The following ELF4 variants were observed in gnomAD, a reference collection of about 807,000 sequenced individuals.
The protein encoded by ELF4 is E74 like ETS transcription factor 4.
ELF4 carries 10 observed loss-of-function variants against 31.7 expected under a neutral mutation model. The ratio of observed to expected loss-of-function variants is 0.32; its 90% confidence interval spans 0.19 to 0.54. The LOEUF (loss-of-function observed/expected upper bound fraction) is 0.54. Ranked by LOEUF, ELF4 falls within the 20% of genes least tolerant of loss-of-function variation. The probability of loss-of-function intolerance (pLI) is 0.95; values close to 1 mark genes in which losing one functional copy is unlikely to be tolerated. For synonymous variants in ELF4, 208 were observed against 226.7 expected, an observed-to-expected ratio of 0.92 and a Z score of 0.74; for missense variants, 418 against 522.0, an observed-to-expected ratio of 0.80 and a Z score of 1.94.
In ELF4 at chrX:130,064,011, A is replaced by C. The variant is rs1200498346; in HGVS notation, c.*2710T>G. 1.0e-5 allele frequency among the ~76,000 whole-genome samples: 1 copy of C among 96,434 alleles called. No homozygotes were observed. The highest frequency in any genetic ancestry group is 3.3e-4 in the East Asian group (1 of 3,034). The allele number at this position is 96,434 out of a possible 115,157, so 83.7% of individuals were successfully genotyped here. ...TATTATTATTATTATTATTATTATTATACTTTAAGTTCTGGGATACATGTG... is the reference window on the plus strand; with the variant it reads ...TATTATTATTATTATTATTATTATTCTACTTTAAGTTCTGGGATACATGTG... On this transcript the variant is annotated 3_prime_UTR_variant, in exon 9 of 9. Transcript: ENST00000308167.
intron 1 of ELF4, among the ~76,000 whole-genome samples, chrX:130,105,373 C>T (rs1933359170): frequency 9.0e-6 from 1 of 111,563 alleles, no homozygotes; most frequent in Non-Finnish European, 1.9e-5. Flanking sequence ...CCGAGAAACT[C>T]ACCTTAGGGC....
At chrX:130,103,714 C>T (rs1275288282) in intron 1 of ELF4, among the ~76,000 whole-genome samples, 2 of 112,224 alleles carry the variant, frequency 1.8e-5, no homozygotes, top group Non-Finnish European at 3.8e-5. Flanking sequence ...TTGCCACCCT[C>T]CCATCCCCCA....
chrX:130,071,443 T>A (rs1295222285), intron 5 of ELF4, 24 bp from the exon 6 acceptor site: 1 of 1,201,635 alleles, frequency 8.3e-7, no homozygotes, highest in African/African-American at 1.7e-5. Context: ...GTGAGTAGGA[T>A]GAGGAGCAGC....
chrX:130,064,441 A>G lies in ELF4; in HGVS notation c.*2280T>C, dbSNP rs1425570957. On this transcript the variant is annotated 3_prime_UTR_variant, in exon 9 of 9. Coordinates refer to ENST00000308167, the MANE Select transcript of ELF4 (RefSeq NM_001421.4). ...GAGCAAGACTCTGACTCAAAAACAAACGAACAAACAAAAACATTGTTGATA... is the reference window on the plus strand; with the variant it reads ...GAGCAAGACTCTGACTCAAAAACAAGCGAACAAACAAAAACATTGTTGATA... 1.8e-5 allele frequency among the ~76,000 whole-genome samples: 2 copies of G among 112,291 alleles called. No individual in the cohort carries two copies. Among genetic ancestry groups the G allele is most frequent in the Non-Finnish European group, 3.8e-5 (2 of 53,241 alleles).
intron 1 of ELF4, among the ~76,000 whole-genome samples, chrX:130,102,884 G>GAGAGAAAGAA (rs1216462216): frequency 4.6e-5 from 2 of 43,735 alleles, no homozygotes; most frequent in Non-Finnish European, 7.8e-5. Flanking sequence ...GAGAGAGAGA[G>GAGAGAAAGAA]AGAAAGAAAG....
intron 1 of ELF4, among the ~76,000 whole-genome samples, chrX:130,102,884 GAGAAAGAA>G (rs1174320321): frequency 5.9e-4 from 26 of 43,735 alleles, no homozygotes; most frequent in Non-Finnish European, 8.6e-4. Context: ...GAGAGAGAGA[GAGAAAGAA>G]AGAAAGAAAG....
At chrX:130,088,267 G>A (rs1246852086) in intron 1 of ELF4, among the ~76,000 whole-genome samples, 2 of 96,851 alleles carry the variant, frequency 2.1e-5, no homozygotes, top group African/African-American at 7.7e-5. Context: ...GAGTGGGTCT[G>A]TGAGTGGAGG....
At chrX:130,071,688 T>C (rs1328241499) in intron 5 of ELF4, among the ~76,000 whole-genome samples, 1 of 112,902 alleles carries the variant, frequency 8.9e-6, no homozygotes, top group Non-Finnish European at 1.9e-5. Flanking sequence ...GCCTAACTTC[T>C]GATACGGAAA....
rs923262083 is a variant in ELF4, at chrX:130,105,324, C to A, written c.-210+5001G>T. Among the ~76,000 whole-genome samples, 16 of 111,910 alleles carry A rather than the reference C, an allele frequency of 1.4e-4. No homozygotes were observed. The Admixed American group carries it at 1.5e-3, about 11-fold the overall frequency. The stretch of plus-strand genomic sequence containing the variant: ...TGAAACACCCTTCCCTGCTCCCTGA[C>A]CCTCCTCCTCACCCTGGAAGCAGGC... On this transcript the variant is annotated intron_variant, in intron 1 of 8. Coordinates refer to ENST00000308167, the MANE Select transcript of ELF4 (RefSeq NM_001421.4).
intron 4 of ELF4, 102 bp from the exon 5 acceptor site, chrX:130,072,519 T>A: frequency 1.2e-6 from 1 of 846,345 alleles, no homozygotes; most frequent in Non-Finnish European, 1.7e-6. Flanking sequence ...GGCGGGGGGC[T>A]CATCCCCCCA....
At chrX:130,095,177 G>C (rs1235792690) in intron 1 of ELF4, among the ~76,000 whole-genome samples, 2 of 112,195 alleles carry the variant, frequency 1.8e-5, no homozygotes, top group Non-Finnish European at 3.8e-5. Context: ...AAGGTGGCAG[G>C]GATGTGTAGT....
intron 5 of ELF4, 117 bp downstream of exon 5, chrX:130,072,109 G>A: frequency 1.1e-6 from 1 of 922,782 alleles, no homozygotes; most frequent in African/African-American, 1.9e-5. Flanking sequence ...AGGCCTTTTG[G>A]TCCATCTCTG....
At chrX:130,076,688 C>T (rs1932837807) in intron 2 of ELF4, among the ~76,000 whole-genome samples, 1 of 112,195 alleles carries the variant, frequency 8.9e-6, no homozygotes, top group Admixed American at 9.5e-5. Context: ...ACCTTGGCCT[C>T]CCAAAGTGCT....
chrX:130,075,203 A>G (rs1478437130), intron 2 of ELF4, among the ~76,000 whole-genome samples: 1 of 109,722 alleles, frequency 9.1e-6, no homozygotes, highest in Non-Finnish European at 1.9e-5. Context: ...TCCTGACCTC[A>G]GGTGATCCAC....
intron 1 of ELF4, among the ~76,000 whole-genome samples, chrX:130,105,484 T>C (rs1364773339): frequency 9.1e-6 from 1 of 110,174 alleles, no homozygotes; most frequent in Non-Finnish European, 1.9e-5. Context: ...AAATGATGAG[T>C]GTGTGTATGT....
chrX:130,108,684 C>T (rs1225231371), intron 1 of ELF4, among the ~76,000 whole-genome samples: 1 of 110,600 alleles, frequency 9.0e-6, no homozygotes, highest in African/African-American at 3.3e-5. Flanking sequence ...GGCGCCAGTT[C>T]CTGAGCAACC....
chrX:130,100,773 G>A (rs1173059098), intron 1 of ELF4, among the ~76,000 whole-genome samples: 1 of 111,795 alleles, frequency 8.9e-6, no homozygotes, highest in African/African-American at 3.3e-5. Flanking sequence ...TCCCCAACAG[G>A]TAGTAAAATC....
rs770772577 is a variant in ELF4, at chrX:130,064,975, C to G, written c.*1746G>C. 6.0e-6 allele frequency: 1 copy of G among 167,662 alleles called. No homozygotes were observed. 13.8% of individuals were successfully genotyped at this position (167,662 alleles called of 1,213,427 possible). A position where few individuals can be genotyped will look rare whatever the true frequency, so the allele number is the denominator to read the frequency against. On this transcript the variant is annotated 3_prime_UTR_variant, in exon 9 of 9. Transcript: ENST00000308167. ...TTAGAAAAAGGCACTTTAATGCCAA[C>G]TGCTGGAAACACGCATAGTAAATAC...
intron 1 of ELF4, among the ~76,000 whole-genome samples, chrX:130,106,517 G>A (rs1366882575): frequency 9.0e-6 from 1 of 111,409 alleles, no homozygotes; most frequent in Non-Finnish European, 1.9e-5. Context: ...GAGCTACAGG[G>A]CATTAGCAGT....
Sources: allele counts gnomAD v4.1 joint callset (sites outside exome capture counted in the v4.1 genomes callset), GRCh38; gene constraint gnomAD v4.1.1; transcripts MANE v1.5; gene names NCBI Gene and HGNC (gene_info 2026-07-23, HGNC 2026-07-21).